PTX3: variants seen among roughly 807,000 people sequenced by gnomAD.
The protein encoded by PTX3 is pentraxin 3, also known as pentraxin-related protein PTX3.
Under a neutral mutation model 23.5 loss-of-function variants are expected in PTX3, and 24 were observed. The observed-to-expected ratio is 1.02, with a 90% CI of 0.74 to 1.43. The LOEUF is 1.43. Among genes scored for constraint, PTX3 ranks in the 40% most tolerant of loss-of-function variants. The pLI, the probability that PTX3 is intolerant of heterozygous loss-of-function variation, is 0.00. For missense variants in PTX3, 510 were observed against 497.5 expected (o/e 1.02, Z -0.24); for synonymous variants, 218 against 205.4 (o/e 1.06, Z -0.53).
intron 2 of PTX3, among the ~76,000 whole-genome samples, chr3:157,438,751 C>T (rs976249596): frequency 6.6e-6 from 1 of 152,172 alleles, no homozygotes; most frequent in Non-Finnish European, 1.5e-5. Context: ...CAAAATAATA[C>T]ATTCTAAAGA....
Position 157,443,144 on chromosome 3 carries a change from T to C in PTX3, c.*165T>C, listed in dbSNP as rs988057580. 4.0e-5 allele frequency: 32 copies of C among 797,662 alleles called. No homozygotes were observed. The highest frequency in any genetic ancestry group is 5.6e-5 in the Non-Finnish European group (30 of 533,000). 49.4% of individuals were successfully genotyped at this position (797,662 alleles called of 1,614,324 possible). Reference sequence around the variant, plus strand: ...TACTGGCCAAATACTGAATAAACAGTTGAAGGAAAGACATTGGAAAAAGCT... The same window carrying C: ...TACTGGCCAAATACTGAATAAACAGCTGAAGGAAAGACATTGGAAAAAGCT... On this transcript the variant is annotated 3_prime_UTR_variant, in exon 3 of 3. Coordinates refer to ENST00000295927, the MANE Select transcript of PTX3 (RefSeq NM_002852.4).
At position 157,438,069 on chromosome 3, in the gene PTX3, A is replaced by ACACACACC. The variant is rs1237245016; in HGVS notation, c.532+158_532+159insACACCCAC. ...CACACACACACACACACACACACAC[A>ACACACACC]CACCCCTATTTCTGCATGCGCGGTC... is the stretch of plus-strand genomic sequence containing the variant. On this transcript the variant is annotated intron_variant, in intron 2 of 2. Coordinates refer to ENST00000295927, the MANE Select transcript of PTX3 (RefSeq NM_002852.4). Among the ~76,000 whole-genome samples the ACACACACC allele has an allele frequency of 1.1e-3, 161 of 149,636 alleles. 2 individuals are homozygous for ACACACACC. The highest frequency in any genetic ancestry group is 3.6e-3 in the African/African-American group (143 of 40,178).
intron 2 of PTX3, among the ~76,000 whole-genome samples, chr3:157,438,178 G>T (rs76130908): frequency 0.015 from 2,206 of 152,118 alleles, 52 homozygotes; most frequent in African/African-American, 0.05. Flanking sequence ...AAAGAGAGTT[G>T]TGGAGGTAAC....
chr3:157,442,722 G>A lies in PTX3; in HGVS notation c.889G>A (p.Ala297Thr). The A allele has an allele frequency of 6.2e-7, 1 of 1,614,206 alleles. No homozygotes were observed. Among genetic ancestry groups the A allele is most frequent in the South Asian group, 1.1e-5 (1 of 91,086 alleles). Residue 297 changes from alanine to threonine, a missense_variant, in exon 3 of 3, where the codon GCC becomes ACC. Ala to Thr is a moderately conservative substitution (Grantham distance 58). Coordinates refer to ENST00000295927, the MANE Select transcript of PTX3 (RefSeq NM_002852.4). ...ACTGGCGGCTACCACTGTTGAGATG[G>A]CCACAGGTCACATTGTTCCTGAGGG... is the stretch of plus-strand genomic sequence containing the variant. Reference protein sequence around the residue: ...GELAATTVEMATGHIVPEGGI... With the variant: ...GELAATTVEMTTGHIVPEGGI...
At position 157,436,953 on chromosome 3, in the gene PTX3, T is replaced by A; in HGVS notation, c.20T>A (p.Leu7Gln). 1 of 1,613,740 alleles carries A rather than the reference T, an allele frequency of 6.2e-7. No individual in the cohort carries two copies. The part of the protein sequence containing the change: MHLLAI[L>Q]FCALWSAVLA... ...CCAGCAATGCATCTCCTTGCGATTCTGTTTTGTGCTCTCTGGTCTGCAGTG... is the reference window on the plus strand; with the variant it reads ...CCAGCAATGCATCTCCTTGCGATTCAGTTTTGTGCTCTCTGGTCTGCAGTG... The change falls in exon 1 of 3, where the codon CTG becomes CAG. Residue 7 changes from leucine to glutamine, a missense_variant. Leu to Gln is a moderately radical substitution (Grantham distance 113, BLOSUM62 -2). Coordinates refer to ENST00000295927, the MANE Select transcript of PTX3 (RefSeq NM_002852.4).
intron 2 of PTX3, 109 bp from the exon 3 acceptor site, chr3:157,442,257 G>A (rs1480143246): frequency 1.3e-5 from 13 of 1,039,980 alleles, no homozygotes; most frequent in Non-Finnish European, 1.8e-5. Context: ...GTTTCACATA[G>A]CTTTCAATTG....
chr3:157,443,158 T>A lies in PTX3; in HGVS notation c.*179T>A. Reference sequence around the variant, plus strand: ...TGAATAAACAGTTGAAGGAAAGACATTGGAAAAAGCTTTTGAGGATAATGT... The same window carrying A: ...TGAATAAACAGTTGAAGGAAAGACAATGGAAAAAGCTTTTGAGGATAATGT... On this transcript the variant is annotated 3_prime_UTR_variant, in exon 3 of 3. Coordinates refer to ENST00000295927, the MANE Select transcript of PTX3 (RefSeq NM_002852.4). 1.4e-6 allele frequency: 1 copy of A among 708,530 alleles called. No individual in the cohort carries two copies. The highest frequency in any genetic ancestry group is 2.2e-6 in the Non-Finnish European group (1 of 457,170). 43.9% of individuals were successfully genotyped at this position (708,530 alleles called of 1,614,324 possible). A position where few individuals can be genotyped will look rare whatever the true frequency, so the allele number is the denominator to read the frequency against.
chr3:157,440,352 A>G (rs1734022025), intron 2 of PTX3, among the ~76,000 whole-genome samples: 1 of 152,178 alleles, frequency 6.6e-6, no homozygotes, highest in Non-Finnish European at 1.5e-5. Flanking sequence ...GATAAGGTTC[A>G]TATTTGTTTA....
intron 2 of PTX3, among the ~76,000 whole-genome samples, chr3:157,439,009 C>T (rs1733903930): frequency 6.6e-6 from 1 of 152,074 alleles, no homozygotes; most frequent in Non-Finnish European, 1.5e-5. Flanking sequence ...GTAATGAGAG[C>T]ATGTTTCATT....
At chr3:157,438,013 C>T (rs530786484) in intron 2 of PTX3, 99 bp downstream of exon 2, 26 of 1,344,532 alleles carry the variant, frequency 1.9e-5, no homozygotes, top group Admixed American at 1.1e-4. Flanking sequence ...GGGAAGCTTT[C>T]ATGGGAAGCG....
chr3:157,442,305 G>T (rs943536088), intron 2 of PTX3, 61 bp from the exon 3 acceptor site: 20 of 1,370,020 alleles, frequency 1.5e-5, no homozygotes, highest in Non-Finnish European at 2.0e-5. Context: ...ACTAATGCCA[G>T]AATAATTCTG....
rs1553786688 is a variant in PTX3, at chr3:157,438,037, G to GCGCACGCACA, written c.532+124_532+125insGCACGCACAC. The GCGCACGCACA allele has an allele frequency of 7.8e-6, 4 of 516,104 alleles. No individual in the cohort carries two copies. The South Asian group carries it at 9.8e-5, about 13-fold the overall frequency. 32.0% of individuals were successfully genotyped at this position (516,104 alleles called of 1,614,324 possible). A position where few individuals can be genotyped will look rare whatever the true frequency, so the allele number is the denominator to read the frequency against. On this transcript the variant is annotated intron_variant, in intron 2 of 2. Coordinates refer to ENST00000295927, the MANE Select transcript of PTX3 (RefSeq NM_002852.4). The stretch of plus-strand genomic sequence containing the variant: ...TCATGGGAAGCGCGCGCGCGCGCGC[G>GCGCACGCACA]CACACACACACACACACACACACAC...
chr3:157,438,965 G>T (rs1733900414), intron 2 of PTX3, among the ~76,000 whole-genome samples: 1 of 152,170 alleles, frequency 6.6e-6, no homozygotes, highest in Non-Finnish European at 1.5e-5. Context: ...GGAGGGGGAA[G>T]AAGCATGTTT....
chr3:157,441,521 T>C (rs1207573024), intron 2 of PTX3, among the ~76,000 whole-genome samples: 2 of 152,144 alleles, frequency 1.3e-5, no homozygotes, highest in Admixed American at 1.3e-4. Context: ...TTAAAATGTA[T>C]TCTGCAGGCC....
At chr3:157,437,292 T>G (rs1488080205) in intron 1 of PTX3, among the ~76,000 whole-genome samples, 1 of 152,226 alleles carries the variant, frequency 6.6e-6, no homozygotes, top group Admixed American at 6.5e-5. Context: ...TTGAGCTACA[T>G]AACCGGCGAT....
intron 2 of PTX3, among the ~76,000 whole-genome samples, chr3:157,441,765 G>A (rs1007614331): frequency 1.3e-5 from 2 of 150,576 alleles, no homozygotes; most frequent in South Asian, 2.1e-4. Flanking sequence ...AGTCGAGATC[G>A]CACTACTGCA....
rs1734272095 is a variant in PTX3 at position 157,443,138 on chromosome 3, A to C, written c.*159A>C. ...TATTTGTACTGGCCAAATACTGAATAAACAGTTGAAGGAAAGACATTGGAA... is the reference window on the plus strand; with the variant it reads ...TATTTGTACTGGCCAAATACTGAATCAACAGTTGAAGGAAAGACATTGGAA... On this transcript the variant is annotated 3_prime_UTR_variant, in exon 3 of 3. Transcript: ENST00000295927. The C allele has an allele frequency of 1.2e-5, 10 of 824,862 alleles. No homozygotes were observed. The South Asian group carries it at 2.2e-4, about 18-fold the overall frequency. 51.1% of individuals were successfully genotyped at this position (824,862 alleles called of 1,614,324 possible).
chr3:157,438,035 G>GCACACA (rs1294089889), intron 2 of PTX3, 121 bp downstream of exon 2: 84 of 701,654 alleles, frequency 1.2e-4, no homozygotes, highest in African/African-American at 5.3e-4. Context: ...GCGCGCGCGC[G>GCACACA]CGCACACACA....
chr3:157,442,758 C>G lies in PTX3; in HGVS notation c.925C>G (p.Gln309Glu). 6.2e-7 allele frequency: 1 copy of G among 1,614,188 alleles called. No homozygotes were observed. The highest frequency in any genetic ancestry group is 8.5e-7 in the Non-Finnish European group (1 of 1,180,026). ...CATTGTTCCTGAGGGAGGAATCCTG[C>G]AGATTGGCCAAGAAAAGAATGGCTG... ...GHIVPEGGILQIGQEKNGCCV... is the reference protein window; with the variant it reads ...GHIVPEGGILEIGQEKNGCCV... The change falls in exon 3 of 3, where the codon CAG (glutamine) becomes GAG (glutamate). Residue 309 changes from glutamine (Q) to glutamate (E), a missense_variant. Physicochemically the swap from Gln to Glu is conservative, Grantham distance 29. Coordinates refer to ENST00000295927, the MANE Select transcript of PTX3 (RefSeq NM_002852.4).
Sources: allele counts gnomAD v4.1 joint callset (sites outside exome capture counted in the v4.1 genomes callset), GRCh38; gene constraint gnomAD v4.1.1; transcripts MANE v1.5; gene names NCBI Gene and HGNC (gene_info 2026-07-23, HGNC 2026-07-21).